The following KIF13B variants were observed in gnomAD, a reference collection of about 807,000 sequenced individuals.
The protein encoded by KIF13B is kinesin family member 13B, also known as kinesin-like protein KIF13B.
In KIF13B, 127 loss-of-function variants were observed where a neutral mutation model predicts 222.0. That is an observed-to-expected ratio of 0.57 (90% CI 0.50 to 0.66). The LOEUF (loss-of-function observed/expected upper bound fraction) is 0.66, where lower values mean the gene tolerates loss of function less well. Ranked by LOEUF, KIF13B falls within the 30% of genes least tolerant of loss-of-function variation. KIF13B has a pLI of 0.00. For missense variants in KIF13B, 2,173 were observed against 2,379.0 expected (o/e 0.91, Z 1.80); for synonymous variants, 976 against 919.0 (o/e 1.06, Z -1.12).
At chr8:29,210,274 C>T (rs1206614867) in intron 2 of KIF13B, among the ~76,000 whole-genome samples, 4 of 152,174 alleles carry the variant, frequency 2.6e-5, no homozygotes, top group Admixed American at 1.3e-4. Flanking sequence ...CTGCCCAGAA[C>T]ACTTGAATTC....
At chr8:29,207,334 C>T (rs1218613293) in intron 2 of KIF13B, among the ~76,000 whole-genome samples, 2 of 152,150 alleles carry the variant, frequency 1.3e-5, no homozygotes, top group Non-Finnish European at 2.9e-5. Flanking sequence ...CAAAAGTGAC[C>T]TTCTCTGTCC....
chr8:29,206,482 A>G (rs1436179533), intron 2 of KIF13B, among the ~76,000 whole-genome samples: 1 of 118,218 alleles, frequency 8.5e-6, no homozygotes, highest in Admixed American at 7.9e-5. Flanking sequence ...TCCTTGAGTG[A>G]AAATTCAATT....
At chr8:29,159,965 ATG>A (rs1811701186) in intron 13 of KIF13B, among the ~76,000 whole-genome samples, 1 of 152,154 alleles carries the variant, frequency 6.6e-6, no homozygotes, top group Non-Finnish European at 1.5e-5. Context: ...AAACCCACAC[ATG>A]TGAGGGGAAA....
At chr8:29,177,364 G>GA in intron 9 of KIF13B, 102 bp downstream of exon 9, 2 of 868,164 alleles carry the variant, frequency 2.3e-6, no homozygotes, top group Admixed American at 2.0e-5. Flanking sequence ...GAAAATACCA[G>GA]AAAAAAATTT....
chr8:29,140,402 C>T, intron 20 of KIF13B, 66 bp downstream of exon 20: 5 of 1,518,560 alleles, frequency 3.3e-6, no homozygotes. Context: ...CAACAATATC[C>T]CATCACCACC....
At chr8:29,137,516 A>G (rs1295932989) in intron 21 of KIF13B, among the ~76,000 whole-genome samples, 3 of 152,216 alleles carry the variant, frequency 2.0e-5, no homozygotes, top group African/African-American at 7.2e-5. Context: ...TGGAGATGTT[A>G]ATATGTGCAT....
intron 31 of KIF13B, among the ~76,000 whole-genome samples, chr8:29,115,382 A>T (rs189646004): frequency 1.0e-3 from 150 of 150,728 alleles, no homozygotes; most frequent in African/African-American, 3.6e-3. Flanking sequence ...GCTGGAGTGC[A>T]ACGGTGCAAT....
In KIF13B at chr8:29,166,265, A is replaced by T. The variant is rs141356525; in HGVS notation, c.1159-493T>A. The stretch of plus-strand genomic sequence containing the variant: ...CTATAAAAACAGGATAAAATTCAAC[A>T]GGTAAAAATACGATCAAGATAATCA... On this transcript the variant is annotated intron_variant, in intron 11 of 39. Transcript: ENST00000524189. Among the ~76,000 whole-genome samples, 737 of 152,362 alleles carry T rather than the reference A, an allele frequency of 4.8e-3. 1 individual carries two copies. The highest frequency in any genetic ancestry group is 0.017 in the African/African-American group (696 of 41,588).
In KIF13B at chr8:29,069,234, A is replaced by C. The variant is rs921684994; in HGVS notation, c.*1270T>G. ...ACCTGGCACCAAAGGCTCTGGGAGC[A>C]TAAGTGCCCCAGCCAGGAGGTGGAG... is the stretch of plus-strand genomic sequence containing the variant. On this transcript the variant is annotated 3_prime_UTR_variant, in exon 40 of 40. Transcript: ENST00000524189. 6.6e-6 allele frequency: 1 copy of C among 152,270 alleles called. No homozygotes were observed. Among genetic ancestry groups the C allele is most frequent in the Non-Finnish European group, 1.5e-5 (1 of 68,084 alleles). The allele number at this position is 152,270 out of a possible 1,614,324, so 9.4% of individuals were successfully genotyped here.
Position 29,072,321 on chromosome 8 carries a change from A to T in KIF13B, c.4522-5T>A, listed in dbSNP as rs1410073779. ...AGGGCCCATCTCCGGCTGAGCCTGC[A>T]GCAGGACGGGGAAGCAGGGGCTGAG... On this transcript the variant is annotated splice_region_variant and splice_polypyrimidine_tract_variant and intron_variant, in intron 38 of 39. Coordinates refer to ENST00000524189, the MANE Select transcript of KIF13B (RefSeq NM_015254.4). The T allele has an allele frequency of 7.1e-7, 1 of 1,404,564 alleles. No individual in the cohort carries two copies. The highest frequency in any genetic ancestry group is 3.0e-5 in the Admixed American group (1 of 33,372). 87.0% of individuals were successfully genotyped at this position (1,404,564 alleles called of 1,614,324 possible). A position where few individuals can be genotyped will look rare whatever the true frequency, so the allele number is the denominator to read the frequency against.
At chr8:29,259,487 A>T (rs768655899) in intron 1 of KIF13B, among the ~76,000 whole-genome samples, 93 of 152,360 alleles carry the variant, frequency 6.1e-4, no homozygotes, top group Non-Finnish European at 1.0e-3. Context: ...GATCTTATAC[A>T]GATTTACACA....
chr8:29,185,772 A>G (rs2130310999), intron 6 of KIF13B, among the ~76,000 whole-genome samples: 1 of 152,338 alleles, frequency 6.6e-6, no homozygotes, highest in East Asian at 1.9e-4. Context: ...GGCTGTGGTC[A>G]TTATCTCCAT....
chr8:29,085,705 C>CTT lies in KIF13B; in HGVS notation c.4458+7038_4458+7039dup, dbSNP rs71222589. Among the ~76,000 whole-genome samples, 212 of 48,754 alleles carry CTT rather than the reference C, an allele frequency of 4.3e-3. 8 individuals carry two copies. Among genetic ancestry groups the CTT allele is most frequent in the East Asian group, 0.025 (40 of 1,624 alleles). 32.0% of individuals were successfully genotyped at this position (48,754 alleles called of 152,430 possible). A position where few individuals can be genotyped will look rare whatever the true frequency, so the allele number is the denominator to read the frequency against. On this transcript the variant is annotated intron_variant, in intron 37 of 39. Coordinates refer to ENST00000524189, the MANE Select transcript of KIF13B (RefSeq NM_015254.4). Reference sequence around the variant, plus strand: ...GTTTTTAAGTAACAGAAATACTCTTCTTTTTTTTTTTTTTTTTTTTTTTTT... The same window carrying CTT: ...GTTTTTAAGTAACAGAAATACTCTTCTTTTTTTTTTTTTTTTTTTTTTTTTTT...
chr8:29,124,903 A>G (rs1402041691), intron 26 of KIF13B, among the ~76,000 whole-genome samples: 1 of 148,104 alleles, frequency 6.8e-6, no homozygotes, highest in African/African-American at 2.5e-5. Context: ...AAAAAAAATT[A>G]GCTGGGCATG....
At position 29,068,533 on chromosome 8, in the gene KIF13B, A is replaced by G. The variant is rs1807102794; in HGVS notation, c.*1971T>C. ...GTAAGTCAAACCGATGGTAAAAAGC[A>G]CGACACACACGTCCCCCAGGACTTT... On this transcript the variant is annotated 3_prime_UTR_variant, in exon 40 of 40. Coordinates refer to ENST00000524189, the MANE Select transcript of KIF13B (RefSeq NM_015254.4). The surrounding 1 kb of genome is among the most constrained non-coding windows in gnomAD (Gnocchi z 4.4). The G allele has an allele frequency of 6.6e-6, 1 of 152,214 alleles. No individual in the cohort carries two copies. Among genetic ancestry groups the G allele is most frequent in the Non-Finnish European group, 1.5e-5 (1 of 68,112 alleles). 9.4% of individuals were successfully genotyped at this position (152,214 alleles called of 1,614,324 possible). A position where few individuals can be genotyped will look rare whatever the true frequency, so the allele number is the denominator to read the frequency against.
rs1454979529 is a variant in KIF13B, at chr8:29,188,508, A to G, written c.316+7T>C. ...TGTTTATGTGATTTCATGTTATTTAACATTACCAGTCTGTCCATAGGCAAA... is the reference window on the plus strand; with the variant it reads ...TGTTTATGTGATTTCATGTTATTTAGCATTACCAGTCTGTCCATAGGCAAA... On this transcript the variant is annotated splice_region_variant and intron_variant, in intron 5 of 39. Transcript: ENST00000524189. 17 of 1,529,000 alleles carry G rather than the reference A, an allele frequency of 1.1e-5. No individual in the cohort carries two copies. The highest frequency in any genetic ancestry group is 1.7e-5 in the Admixed American group (1 of 57,426). 94.7% of individuals were successfully genotyped at this position (1,529,000 alleles called of 1,614,324 possible).
At position 29,067,441 on chromosome 8, in the gene KIF13B, G is replaced by T. The variant is rs554085912; in HGVS notation, c.*3063C>A. 1 of 152,648 alleles carries T rather than the reference G, an allele frequency of 6.6e-6. No homozygotes were observed. Among genetic ancestry groups the T allele is most frequent in the Admixed American group, 6.5e-5 (1 of 15,306 alleles). The allele number at this position is 152,648 out of a possible 1,614,324, so 9.5% of individuals were successfully genotyped here. On this transcript the variant is annotated 3_prime_UTR_variant, in exon 40 of 40. Coordinates refer to ENST00000524189, the MANE Select transcript of KIF13B (RefSeq NM_015254.4). Reference sequence around the variant, plus strand: ...TGGATTTTTTAAACTCCCATTTACTGTGTACCAAATCAATATAATCACAGA... The same window carrying T: ...TGGATTTTTTAAACTCCCATTTACTTTGTACCAAATCAATATAATCACAGA...
At chr8:29,095,965 GTTTTT>G (rs138886953) in intron 36 of KIF13B, among the ~76,000 whole-genome samples, 4 of 145,064 alleles carry the variant, frequency 2.8e-5, no homozygotes, top group Non-Finnish European at 6.0e-5. Context: ...GACAAGTAGT[GTTTTT>G]TTTTGTTTGT....
At chr8:29,087,352 T>G (rs190732053) in intron 37 of KIF13B, among the ~76,000 whole-genome samples, 51 of 152,328 alleles carry the variant, frequency 3.3e-4, no homozygotes, top group Admixed American at 1.3e-3. Context: ...AGATTACAGC[T>G]TTAGAAGTGT....
Sources: allele counts gnomAD v4.1 joint callset (sites outside exome capture counted in the v4.1 genomes callset), GRCh38; gene constraint gnomAD v4.1.1; non-coding constraint Gnocchi (gnomAD v3.1); transcripts MANE v1.5; gene names NCBI Gene and HGNC (gene_info 2026-07-23, HGNC 2026-07-21).